The following EIF4H variants were observed in gnomAD, a reference collection of about 807,000 sequenced individuals.
The protein encoded by EIF4H is eukaryotic translation initiation factor 4H.
Under a neutral mutation model 30.6 loss-of-function variants are expected in EIF4H, and 8 were observed. The observed-to-expected ratio is 0.26, with a 90% confidence interval of 0.15 to 0.47. EIF4H has a LOEUF of 0.47. Among genes scored for constraint, EIF4H ranks in the 20% least tolerant of loss-of-function variants. EIF4H has a pLI of 0.99. For missense variants in EIF4H, 188 were observed against 339.5 expected (o/e 0.55, Z 3.51); for synonymous variants, 106 against 122.7 (o/e 0.86, Z 0.90).
chr7:74,193,636 A>C (rs559956811), intron 5 of EIF4H, among the ~76,000 whole-genome samples: 1 of 144,694 alleles, frequency 6.9e-6, no homozygotes, highest in South Asian at 2.1e-4. Flanking sequence ...TCCTTGAGAC[A>C]GAGTCTCACT....
intron 1 of EIF4H, among the ~76,000 whole-genome samples, chr7:74,176,028 A>C (rs1355584882): frequency 6.6e-6 from 1 of 152,126 alleles, no homozygotes; most frequent in East Asian, 1.9e-4. Flanking sequence ...TACTCCAAAA[A>C]CTGATAGGAG....
chr7:74,174,565 G>T lies in EIF4H; in HGVS notation c.59+123G>T. The T allele has an allele frequency of 5.2e-6, 5 of 960,332 alleles. No individual in the cohort carries two copies. The South Asian group carries it at 2.0e-4, about 39-fold the overall frequency. 59.5% of individuals were successfully genotyped at this position (960,332 alleles called of 1,614,324 possible). Reference sequence around the variant, plus strand: ...GAGGCGGGGGCCCGCGGAGGCCTAGGAGCGGCGCCTGGAGGGCCGGGGCCT... The same window carrying T: ...GAGGCGGGGGCCCGCGGAGGCCTAGTAGCGGCGCCTGGAGGGCCGGGGCCT... On this transcript the variant is annotated intron_variant, in intron 1 of 6. Coordinates refer to ENST00000265753, the MANE Select transcript of EIF4H (RefSeq NM_022170.2).
chr7:74,176,720 T>C (rs926582120), intron 1 of EIF4H, among the ~76,000 whole-genome samples: 2 of 152,220 alleles, frequency 1.3e-5, no homozygotes, highest in Non-Finnish European at 2.9e-5. Context: ...GAAACAGTAT[T>C]GAACCACTGC....
chr7:74,191,122 TGAG>T, intron 5 of EIF4H: 1 of 528,304 alleles, frequency 1.9e-6, no homozygotes, highest in South Asian at 1.4e-5. Context: ...CTTGTGAGTC[TGAG>T]ATTTTTAAAA....
chr7:74,190,428 T>C, intron 5 of EIF4H, 122 bp downstream of exon 5: 1 of 953,246 alleles, frequency 1.0e-6, no homozygotes, highest in Non-Finnish European at 1.6e-6. Flanking sequence ...AATACAACTC[T>C]CCTGCAGGGT....
At chr7:74,187,157 T>C (rs1336928605) in intron 1 of EIF4H, among the ~76,000 whole-genome samples, 3 of 152,070 alleles carry the variant, frequency 2.0e-5, no homozygotes, top group Admixed American at 2.0e-4. Context: ...GGGCTGGGCA[T>C]GGTGGCTCAC....
chr7:74,187,470 A>G (rs1801111458), intron 1 of EIF4H, 141 bp from the exon 2 acceptor site: 1 of 824,890 alleles, frequency 1.2e-6, no homozygotes, highest in Non-Finnish European at 1.7e-6. Flanking sequence ...TTCTCCAGCC[A>G]TTCTCTGTAA....
At position 74,190,273 on chromosome 7, in the gene EIF4H, G is replaced by A; in HGVS notation, c.436G>A (p.Gly146Ser). ...AATGGGTAGCTCTCGAGAATCTAGA[G>A]GTGGATGGGATTCCCGGGATGACTT... ...RGMGSSRESR[G>S]GWDSRDDFNS... Residue 146 changes from glycine (G) to serine (S), a missense_variant, in exon 5 of 7, where the codon GGT becomes AGT. Transcript: ENST00000265753. 1 of 1,614,188 alleles carries A rather than the reference G, an allele frequency of 6.2e-7. No homozygotes were observed. Among genetic ancestry groups the A allele is most frequent in the African/African-American group, 1.3e-5 (1 of 75,050 alleles).
chr7:74,192,927 C>T (rs1801257086), intron 5 of EIF4H, among the ~76,000 whole-genome samples: 1 of 152,162 alleles, frequency 6.6e-6, no homozygotes, highest in Non-Finnish European at 1.5e-5. Flanking sequence ...ATCTGCCCAC[C>T]TCTGCCTCCC....
At chr7:74,190,530 C>A (rs1423708724) in intron 5 of EIF4H, among the ~76,000 whole-genome samples, 3 of 152,192 alleles carry the variant, frequency 2.0e-5, no homozygotes, top group African/African-American at 7.2e-5. Flanking sequence ...TAGCCTGCAG[C>A]TCCTTGGATG....
intron 1 of EIF4H, among the ~76,000 whole-genome samples, chr7:74,177,150 T>G (rs1800859572): frequency 6.6e-6 from 1 of 152,168 alleles, no homozygotes; most frequent in Non-Finnish European, 1.5e-5. Context: ...GGTTTCACTA[T>G]GTTGCCCAGG....
chr7:74,192,709 A>C (rs1159534694), intron 5 of EIF4H, among the ~76,000 whole-genome samples: 1 of 118,122 alleles, frequency 8.5e-6, no homozygotes, highest in Non-Finnish European at 1.6e-5. Context: ...ACAGAGGCTC[A>C]CTCTGTTGCC....
At chr7:74,185,785 G>T (rs1801066687) in intron 1 of EIF4H, among the ~76,000 whole-genome samples, 1 of 152,070 alleles carries the variant, frequency 6.6e-6, no homozygotes, top group Non-Finnish European at 1.5e-5. Context: ...GTGACTTTGG[G>T]CAGGTCTTGG....
rs1801365711 is a variant in EIF4H at position 74,196,885 on chromosome 7, C to G, written c.*1577C>G. The G allele has an allele frequency of 1.3e-5, 2 of 152,622 alleles. No individual in the cohort carries two copies. The highest frequency in any genetic ancestry group is 4.1e-4 in the South Asian group (2 of 4,830). 9.5% of individuals were successfully genotyped at this position (152,622 alleles called of 1,614,324 possible). A position where few individuals can be genotyped will look rare whatever the true frequency, so the allele number is the denominator to read the frequency against. ...CATGCATTATGTGGTGTAATCAAAC[C>G]CGATGCTTTCAGATGACCTACTTAC... is the stretch of plus-strand genomic sequence containing the variant. On this transcript the variant is annotated 3_prime_UTR_variant, in exon 7 of 7. Transcript: ENST00000265753.
chr7:74,187,600 T>A lies in EIF4H; in HGVS notation c.60-11T>A. On this transcript the variant is annotated splice_polypyrimidine_tract_variant and intron_variant, in intron 1 of 6. Transcript: ENST00000265753. ...TGGGCACACTTGAATCCTGTTTGTC[T>A]CCCCTCCTAGGTCCCGCGGCAGTGC... 2.6e-6 allele frequency: 4 copies of A among 1,556,304 alleles called. No individual in the cohort carries two copies. The highest frequency in any genetic ancestry group is 3.5e-6 in the Non-Finnish European group (4 of 1,147,278).
In EIF4H at chr7:74,180,919, A is replaced by G. The variant is rs531240980; in HGVS notation, c.59+6477A>G. Among the ~76,000 whole-genome samples, 3 of 152,314 alleles carry G rather than the reference A, an allele frequency of 2.0e-5. No individual in the cohort carries two copies. In the East Asian group the frequency reaches 5.8e-4, roughly 29 times the overall value. ...GCTTGAGCTAAATAATTGTTTTTTTAATAGAGACAGGGTCTCCCTTTGTTG... is the reference window on the plus strand; with the variant it reads ...GCTTGAGCTAAATAATTGTTTTTTTGATAGAGACAGGGTCTCCCTTTGTTG... On this transcript the variant is annotated intron_variant, in intron 1 of 6. Coordinates refer to ENST00000265753, the MANE Select transcript of EIF4H (RefSeq NM_022170.2).
chr7:74,186,692 A>G (rs1801086472), intron 1 of EIF4H, among the ~76,000 whole-genome samples: 1 of 147,664 alleles, frequency 6.8e-6, no homozygotes, highest in East Asian at 2.1e-4. Context: ...CCTGTGAAGT[A>G]TTGCACGAGA....
chr7:74,192,646 T>C (rs925404555), intron 5 of EIF4H, among the ~76,000 whole-genome samples: 1 of 150,682 alleles, frequency 6.6e-6, no homozygotes, highest in Non-Finnish European at 1.5e-5. Context: ...CAGCTGATCA[T>C]ACCTAACATT....
chr7:74,188,429 A>G (rs1451068592), intron 2 of EIF4H, among the ~76,000 whole-genome samples: 4 of 152,200 alleles, frequency 2.6e-5, no homozygotes, highest in African/African-American at 7.2e-5. Flanking sequence ...GCTAGGACCC[A>G]GGATGTTTGG....
Sources: allele counts gnomAD v4.1 joint callset (sites outside exome capture counted in the v4.1 genomes callset), GRCh38; gene constraint gnomAD v4.1.1; transcripts MANE v1.5; gene names NCBI Gene and HGNC (gene_info 2026-07-23, HGNC 2026-07-21).